The following FOXP1 variants were observed in gnomAD, a reference collection of about 807,000 sequenced individuals.
FOXP1 encodes the protein forkhead box P1, also known as forkhead box protein P1.
A neutral mutation model predicts 98.2 loss-of-function variants in FOXP1; 15 were observed. The ratio of observed to expected loss-of-function variants is 0.15; its 90% CI spans 0.10 to 0.24. The LOEUF (loss-of-function observed/expected upper bound fraction) is 0.24, where lower values mean the gene tolerates loss of function less well. Among genes scored for constraint, FOXP1 ranks in the 10% least tolerant of loss-of-function variants. FOXP1 has a pLI of 1.00. For missense variants in FOXP1, 633 were observed against 848.5 expected (o/e 0.75, Z 3.15); for synonymous variants, 371 against 314.5 (o/e 1.18, Z -1.90).
intron 9 of FOXP1, among the ~76,000 whole-genome samples, chr3:71,048,939 A>T (rs533199964): frequency 6.6e-6 from 1 of 152,254 alleles, no homozygotes; most frequent in South Asian, 2.1e-4. Flanking sequence ...GAAAAAGCTC[A>T]TGAAAGCTGT....
At position 71,294,271 on chromosome 3, in the gene FOXP1, T is replaced by C. The variant is rs566260738; in HGVS notation, c.-12+5549A>G. 3.3e-5 allele frequency among the ~76,000 whole-genome samples: 5 copies of C among 152,370 alleles called. No individual in the cohort carries two copies. The East Asian group carries it at 9.6e-4, about 29-fold the overall frequency. ...GGTGAATTGTATTGTATGTGAATTA[T>C]ATCTCAGTAATTCTGTTAACAAAAA... is the stretch of plus-strand genomic sequence containing the variant. On this transcript the variant is annotated intron_variant, in intron 5 of 20. Transcript: ENST00000649528.
At chr3:71,110,875 C>A (rs1450330551) in intron 7 of FOXP1, among the ~76,000 whole-genome samples, 1 of 152,184 alleles carries the variant, frequency 6.6e-6, no homozygotes, top group South Asian at 2.1e-4. Flanking sequence ...TGGCACTGTA[C>A]CTCATTAAAA....
In FOXP1 at chr3:71,055,907, C is replaced by T. The variant is rs138608755; in HGVS notation, c.283-2134G>A. On this transcript the variant is annotated intron_variant, in intron 7 of 20. Transcript: ENST00000649528. ...TGATGGTGATGAACAGGAAAACAGA[C>T]AGGAATAGGGTGGTGTAAAATCTAA... Among the ~76,000 whole-genome samples, 1,433 of 152,188 alleles carry T rather than the reference C, an allele frequency of 9.4e-3. 20 individuals carry two copies. The highest frequency in any genetic ancestry group is 0.026 in the African/African-American group (1,070 of 41,516).
At chr3:71,120,192 A>T (rs2058660084) in intron 6 of FOXP1, among the ~76,000 whole-genome samples, 2 of 152,194 alleles carry the variant, frequency 1.3e-5, no homozygotes, top group African/African-American at 4.8e-5. Flanking sequence ...TGTACCAGTC[A>T]CTGTTTGGTC....
rs150869926 is a variant in FOXP1 at position 71,427,349 on chromosome 3, C to T, written c.-168+66077G>A. 5.9e-3 allele frequency among the ~76,000 whole-genome samples: 899 copies of T among 152,202 alleles called. 9 individuals carry two copies. The highest frequency in any genetic ancestry group is 0.021 in the African/African-American group (866 of 41,522). ...AGAGCAAAAGGAGCAGGGACACACG[C>T]GCAGGAGAGTGTCAGTGATATTAGA... On this transcript the variant is annotated intron_variant, in intron 3 of 20. Transcript: ENST00000649528.
intron 7 of FOXP1, among the ~76,000 whole-genome samples, chr3:71,111,273 T>A (rs1221888490): frequency 1.3e-5 from 2 of 152,204 alleles, no homozygotes; most frequent in Admixed American, 6.5e-5. Context: ...ATGAAAGTAG[T>A]CTGAACCACT....
At chr3:71,131,640 CT>C (rs1287671062) in intron 6 of FOXP1, among the ~76,000 whole-genome samples, 1 of 152,156 alleles carries the variant, frequency 6.6e-6, no homozygotes, top group Non-Finnish European at 1.5e-5. Context: ...TGGAATTCAT[CT>C]TCTTTTGATC....
At chr3:71,367,122 G>T (rs530924900) in intron 3 of FOXP1, among the ~76,000 whole-genome samples, 65 of 152,240 alleles carry the variant, frequency 4.3e-4, no homozygotes, top group African/African-American at 1.5e-3. Flanking sequence ...TGCACTGCCT[G>T]CTTTGAAGCT....
chr3:71,007,083 A>G (rs544783552), intron 12 of FOXP1, among the ~76,000 whole-genome samples: 1 of 152,172 alleles, frequency 6.6e-6, no homozygotes, highest in African/African-American at 2.4e-5. Flanking sequence ...AAGCAATGTC[A>G]GAAAGGTTAA....
At chr3:71,473,213 G>A (rs907687735) in intron 3 of FOXP1, among the ~76,000 whole-genome samples, 2 of 152,100 alleles carry the variant, frequency 1.3e-5, no homozygotes, top group East Asian at 3.9e-4. Context: ...AGATGCAACT[G>A]GATGGAATAA....
intron 3 of FOXP1, among the ~76,000 whole-genome samples, chr3:71,419,663 T>C (rs2083477859): frequency 6.6e-6 from 1 of 152,176 alleles, no homozygotes; most frequent in Admixed American, 6.5e-5. Context: ...AGGTTTCTAG[T>C]CTAACTCAGC....
At chr3:71,288,665 C>G (rs536566630) in intron 5 of FOXP1, among the ~76,000 whole-genome samples, 1 of 152,150 alleles carries the variant, frequency 6.6e-6, no homozygotes, top group South Asian at 2.1e-4. Context: ...GATTAGAGAA[C>G]GGGTCAAGAG....
intron 14 of FOXP1, among the ~76,000 whole-genome samples, chr3:70,983,445 C>T (rs1559638746): frequency 6.6e-6 from 1 of 151,872 alleles, no homozygotes; most frequent in African/African-American, 2.4e-5. Context: ...CCTTTCTTTT[C>T]GGGGGGGCAC....
At chr3:71,379,466 G>T (rs73837138) in intron 3 of FOXP1, among the ~76,000 whole-genome samples, 2,209 of 152,158 alleles carry the variant, frequency 0.015, 53 homozygotes, top group African/African-American at 0.051. Context: ...AGTTATCTTA[G>T]GTAGAAGTAG....
chr3:71,299,454 G>T (rs2073654721), intron 5 of FOXP1, among the ~76,000 whole-genome samples: 1 of 152,194 alleles, frequency 6.6e-6, no homozygotes, highest in Admixed American at 6.5e-5. Context: ...ATACTGACAT[G>T]CGTTACTCTT....
intron 2 of FOXP1, among the ~76,000 whole-genome samples, chr3:71,550,412 T>C (rs577620708): frequency 6.6e-6 from 1 of 152,344 alleles, no homozygotes; most frequent in South Asian, 2.1e-4. Context: ...TAACAGGAGT[T>C]CTTATCTCAC....
chr3:71,514,145 C>T (rs1250744238), intron 2 of FOXP1, among the ~76,000 whole-genome samples: 1 of 152,170 alleles, frequency 6.6e-6, no homozygotes, highest in Admixed American at 6.5e-5. Flanking sequence ...TCACCACACT[C>T]CCCCAGTCCA....
chr3:71,141,476 C>T (rs926520338), intron 6 of FOXP1, among the ~76,000 whole-genome samples: 3 of 152,114 alleles, frequency 2.0e-5, no homozygotes, highest in African/African-American at 4.8e-5. Context: ...AAACAATAAA[C>T]GCTTAAGCAG....
intron 13 of FOXP1, among the ~76,000 whole-genome samples, chr3:70,994,173 C>A (rs1047271050): frequency 5.3e-5 from 8 of 151,390 alleles, no homozygotes; most frequent in Non-Finnish European, 1.2e-4. Flanking sequence ...CAACAGCTGG[C>A]CAGTCAAATG....
Sources: allele counts gnomAD v4.1 joint callset (sites outside exome capture counted in the v4.1 genomes callset), GRCh38; gene constraint gnomAD v4.1.1; transcripts MANE v1.5; gene names NCBI Gene and HGNC (gene_info 2026-07-23, HGNC 2026-07-21).